Variants in TENM2 observed in about 807,000 individuals in gnomAD.
The protein encoded by TENM2 is teneurin-2.
TENM2 carries 52 observed loss-of-function variants against 245.2 expected under a neutral mutation model. The observed-to-expected ratio is 0.21, with a 90% CI of 0.17 to 0.27. The LOEUF (loss-of-function observed/expected upper bound fraction) is 0.27, where lower values mean the gene tolerates loss of function less well. Among genes scored for constraint, TENM2 ranks in the 10% least tolerant of loss-of-function variants. TENM2 has a pLI of 1.00. For synonymous variants in TENM2, 1,363 were observed against 1,438.9 expected (o/e 0.95, Z 1.19); for missense variants, 3,046 against 3,666.8 (o/e 0.83, Z 4.37).
At chr5:167,450,544 G>T (rs2127473992) in intron 2 of TENM2, among the ~76,000 whole-genome samples, 1 of 152,226 alleles carries the variant, frequency 6.6e-6, no homozygotes, top group East Asian at 1.9e-4. Context: ...TATATAGAAA[G>T]TAAAACTCTA....
At chr5:167,813,344 G>C (rs759930874) in intron 2 of TENM2, among the ~76,000 whole-genome samples, 2 of 151,730 alleles carry the variant, frequency 1.3e-5, no homozygotes, top group Non-Finnish European at 2.9e-5. Context: ...GTCTGCCCAG[G>C]GTTCTGGAAA....
chr5:167,050,267 G>A, the TENM2 span, among the ~76,000 whole-genome samples: 1 of 152,126 alleles, frequency 6.6e-6, no homozygotes, highest in Non-Finnish European at 1.5e-5. Flanking sequence ...GTCAGCAGAG[G>A]CATTACATTC....
At chr5:167,447,417 T>C (rs1418461724) in intron 2 of TENM2, among the ~76,000 whole-genome samples, 1 of 152,260 alleles carries the variant, frequency 6.6e-6, no homozygotes, top group Non-Finnish European at 1.5e-5. Context: ...TTAAAATAGT[T>C]TGGACCTGGG....
At chr5:167,432,690 A>T (rs1455638984) in intron 2 of TENM2, among the ~76,000 whole-genome samples, 3 of 152,128 alleles carry the variant, frequency 2.0e-5, no homozygotes, top group Non-Finnish European at 4.4e-5. Context: ...GCTGCTTTTC[A>T]TAAGTGAAAA....
intron 3 of TENM2, among the ~76,000 whole-genome samples, chr5:167,883,422 T>C (rs1421985): frequency 0.45 from 68,723 of 152,178 alleles, 17,876 homozygotes; most frequent in Non-Finnish European, 0.58. Context: ...ATGTGTAGTT[T>C]GTAGGTCCAG....
chr5:167,795,159 T>C (rs1051562730), intron 2 of TENM2, among the ~76,000 whole-genome samples: 4 of 152,178 alleles, frequency 2.6e-5, no homozygotes, highest in Non-Finnish European at 5.9e-5. Context: ...GTGACCTGAA[T>C]GCCAGACTGG....
At chr5:167,691,776 C>T (rs1757442944) in intron 2 of TENM2, among the ~76,000 whole-genome samples, 1 of 151,842 alleles carries the variant, frequency 6.6e-6, no homozygotes, top group African/African-American at 2.4e-5. Flanking sequence ...GGAGAGTCTT[C>T]AGGAAATTGA....
chr5:168,110,208 T>C (rs1352137977), intron 9 of TENM2, among the ~76,000 whole-genome samples: 1 of 151,972 alleles, frequency 6.6e-6, no homozygotes, highest in African/African-American at 2.4e-5. Context: ...AACCAGTCTT[T>C]AGAAAGAGGT....
chr5:168,004,517 G>GCGCACACACA lies in TENM2; in HGVS notation c.1186+11336_1186+11337insGCACACACAC, dbSNP rs898616203. 4.8e-3 allele frequency among the ~76,000 whole-genome samples: 630 copies of GCGCACACACA among 132,196 alleles called. 2 individuals carry two copies. Among genetic ancestry groups the GCGCACACACA allele is most frequent in the East Asian group, 6.2e-3 (25 of 4,022 alleles). The allele number at this position is 132,196 out of a possible 152,430, so 86.7% of individuals were successfully genotyped here. A position where few individuals can be genotyped will look rare whatever the true frequency, so the allele number is the denominator to read the frequency against. The stretch of plus-strand genomic sequence containing the variant: ...TTGGGATGCACGCATGCGCGCGCGC[G>GCGCACACACA]CACACACACACACACACACACACAC... On this transcript the variant is annotated intron_variant, in intron 5 of 28. Coordinates refer to ENST00000518659, the Ensembl canonical transcript of TENM2.
chr5:167,136,744 C>G, the TENM2 span, among the ~76,000 whole-genome samples: 1 of 152,156 alleles, frequency 6.6e-6, no homozygotes, highest in Non-Finnish European at 1.5e-5. Flanking sequence ...CAGATGAATT[C>G]TTGGCCCACC....
chr5:167,332,176 C>T (rs934957081), intron 1 of TENM2, among the ~76,000 whole-genome samples: 1 of 152,138 alleles, frequency 6.6e-6, no homozygotes, highest in African/African-American at 2.4e-5. Flanking sequence ...TTGGGCGTTA[C>T]GATTCTAGTC....
At chr5:167,952,141 A>ATTTAAAG (rs879738057) in intron 3 of TENM2, among the ~76,000 whole-genome samples, 282 of 152,324 alleles carry the variant, frequency 1.9e-3, no homozygotes, top group Admixed American at 3.1e-3. Flanking sequence ...ATTTAAAGGT[A>ATTTAAAG]CTATTCCCTG....
intron 2 of TENM2, among the ~76,000 whole-genome samples, chr5:167,422,593 C>T (rs1035803532): frequency 3.3e-5 from 5 of 152,128 alleles, no homozygotes; most frequent in Admixed American, 6.6e-5. Flanking sequence ...TTTACATTTC[C>T]CTTCCCTGCA....
chr5:167,860,697 AAG>A (rs1434905288), intron 2 of TENM2, among the ~76,000 whole-genome samples: 1 of 46,986 alleles, frequency 2.1e-5, no homozygotes, highest in Non-Finnish European at 4.1e-5. Flanking sequence ...GTTCTGCACT[AAG>A]AAAAATTCCT....
intron 2 of TENM2, among the ~76,000 whole-genome samples, chr5:167,458,087 G>A (rs1370295153): frequency 6.6e-6 from 1 of 151,942 alleles, no homozygotes; most frequent in Non-Finnish European, 1.5e-5. Context: ...CTTTTGGAAT[G>A]GTTCTTTACA....
intron 14 of TENM2, among the ~76,000 whole-genome samples, chr5:168,194,736 C>T (rs1469705310): frequency 6.6e-6 from 1 of 152,158 alleles, no homozygotes; most frequent in Non-Finnish European, 1.5e-5. Context: ...GTGCTCCCCT[C>T]TACCCACTCT....
intron 2 of TENM2, among the ~76,000 whole-genome samples, chr5:167,677,256 T>G (rs1756393709): frequency 6.6e-6 from 1 of 152,120 alleles, no homozygotes. Context: ...ACCAAACGAT[T>G]CTTTAAAGCA....
chr5:168,254,270 G>C (rs1463410436), intron 27 of TENM2, among the ~76,000 whole-genome samples: 1 of 152,228 alleles, frequency 6.6e-6, no homozygotes, highest in East Asian at 1.9e-4. Flanking sequence ...GTTTAGGGAG[G>C]CTGTTACCAG....
rs60501175 is a variant in TENM2, at chr5:167,724,792, G to A, written c.503-151194G>A. Among the ~76,000 whole-genome samples the A allele has an allele frequency of 3.1e-4, 47 of 152,244 alleles. 2 individuals carry two copies. The East Asian group carries it at 8.3e-3, about 27-fold the overall frequency. Reference sequence around the variant, plus strand: ...AAGTAAAGTTCAAAGACCCTGAGACGGACAGTAGCTTGATGGTTTGGGGAA... The same window carrying A: ...AAGTAAAGTTCAAAGACCCTGAGACAGACAGTAGCTTGATGGTTTGGGGAA... On this transcript the variant is annotated intron_variant, in intron 2 of 28. Coordinates refer to ENST00000518659, the Ensembl canonical transcript of TENM2.
Sources: allele counts gnomAD v4.1 joint callset (sites outside exome capture counted in the v4.1 genomes callset), GRCh38; gene constraint gnomAD v4.1.1; transcripts MANE v1.5; gene names NCBI Gene and HGNC (gene_info 2026-07-23, HGNC 2026-07-21).